Variants in KAZN observed in about 807,000 individuals in gnomAD.
KAZN encodes the protein kazrin, periplakin interacting protein.
A neutral mutation model predicts 87.4 loss-of-function variants in KAZN; 40 were observed. The ratio of observed to expected loss-of-function variants is 0.46; its 90% CI spans 0.36 to 0.60. The LOEUF (loss-of-function observed/expected upper bound fraction) is 0.60. Among genes scored for constraint, KAZN ranks in the 20% least tolerant of loss-of-function variants. KAZN has a pLI of 0.00. For missense variants in KAZN, 898 were observed against 1,073.9 expected (o/e 0.84, Z 2.29); for synonymous variants, 466 against 458.3 (o/e 1.02, Z -0.22).
At chr1:14,171,845 T>C (rs907246412) in intron 1 of KAZN, among the ~76,000 whole-genome samples, 1 of 152,224 alleles carries the variant, frequency 6.6e-6, no homozygotes, top group African/African-American at 2.4e-5. Context: ...TGGGCTATAC[T>C]TCATCTGATC....
chr1:14,436,022 G>T (rs1666363322), intron 2 of KAZN, among the ~76,000 whole-genome samples: 2 of 152,296 alleles, frequency 1.3e-5, no homozygotes, highest in South Asian at 2.1e-4. Context: ...AAGAAAAGGA[G>T]ATCAAGACCA....
At chr1:13,921,796 T>A (rs1436212294) in intron 1 of KAZN, among the ~76,000 whole-genome samples, 3 of 152,080 alleles carry the variant, frequency 2.0e-5, no homozygotes, top group South Asian at 4.1e-4. Context: ...CACACCTGGC[T>A]AATGTTTTGT....
At chr1:14,133,518 C>A (rs943812939) in intron 1 of KAZN, among the ~76,000 whole-genome samples, 2 of 152,020 alleles carry the variant, frequency 1.3e-5, no homozygotes, top group African/African-American at 4.8e-5. Flanking sequence ...GGCAATTCCT[C>A]AGTGGACAAA....
At chr1:14,177,065 G>C (rs1048854148) in intron 1 of KAZN, among the ~76,000 whole-genome samples, 6 of 152,100 alleles carry the variant, frequency 3.9e-5, no homozygotes, top group Non-Finnish European at 8.8e-5. Flanking sequence ...GGCTAAGGTA[G>C]AAGAATCACT....
intron 1 of KAZN, among the ~76,000 whole-genome samples, chr1:14,846,949 G>A (rs1176571858): frequency 7.2e-5 from 11 of 152,128 alleles, no homozygotes; most frequent in Non-Finnish European, 1.5e-4. Flanking sequence ...GGCAGGGAGC[G>A]AGGGGCAGCA....
chr1:14,658,790 C>A (rs369305312), intron 1 of KAZN, among the ~76,000 whole-genome samples: 32 of 152,274 alleles, frequency 2.1e-4, no homozygotes, highest in South Asian at 6.2e-4. Flanking sequence ...ACATGTGAAG[C>A]CTCCAGTGTC....
chr1:14,051,605 C>A (rs1462607765), intron 1 of KAZN, among the ~76,000 whole-genome samples: 1 of 152,198 alleles, frequency 6.6e-6, no homozygotes, highest in African/African-American at 2.4e-5. Flanking sequence ...ATAATCCCAG[C>A]ACTTTGGGAG....
At chr1:14,724,358 G>C (rs934618603) in intron 1 of KAZN, among the ~76,000 whole-genome samples, 1 of 152,174 alleles carries the variant, frequency 6.6e-6, no homozygotes, top group Non-Finnish European at 1.5e-5. Context: ...CCTCACTCCA[G>C]GGCACAGATG....
intron 2 of KAZN, among the ~76,000 whole-genome samples, chr1:14,397,861 C>CAA (rs761120479): frequency 0.045 from 1,815 of 40,526 alleles, 31 homozygotes; most frequent in East Asian, 0.13. Context: ...AACTCCATCT[C>CAA]AAAAAAAAAA....
intron 1 of KAZN, among the ~76,000 whole-genome samples, chr1:14,129,575 G>A (rs143501599): frequency 3.7e-4 from 56 of 152,326 alleles, no homozygotes; most frequent in African/African-American, 9.4e-4. Flanking sequence ...GCTGTGCTGC[G>A]TCTTTGCAGA....
chr1:14,934,000 C>T (rs1660149485), intron 1 of KAZN, among the ~76,000 whole-genome samples: 2 of 151,198 alleles, frequency 1.3e-5, no homozygotes, highest in Admixed American at 6.6e-5. Flanking sequence ...GGACTACAGG[C>T]GCCCGCCACT....
chr1:14,532,294 C>T (rs562066891), intron 2 of KAZN, among the ~76,000 whole-genome samples: 3 of 152,160 alleles, frequency 2.0e-5, no homozygotes, highest in African/African-American at 4.8e-5. Flanking sequence ...ACCCCAGACC[C>T]GCCCTCACTC....
intron 1 of KAZN, among the ~76,000 whole-genome samples, chr1:14,120,730 G>A (rs150354599): frequency 6.6e-6 from 1 of 152,288 alleles, no homozygotes; most frequent in East Asian, 1.9e-4. Flanking sequence ...GCTATCTCTG[G>A]CTTCTGGTAC....
intron 1 of KAZN, among the ~76,000 whole-genome samples, chr1:14,703,712 T>C (rs1258134494): frequency 1.3e-5 from 2 of 152,116 alleles, no homozygotes. Flanking sequence ...ACTCTGTCTC[T>C]ACAAAAGCAC....
At chr1:14,606,627 C>T (rs1314509240) in intron 1 of KAZN, among the ~76,000 whole-genome samples, 1 of 152,114 alleles carries the variant, frequency 6.6e-6, no homozygotes, top group African/African-American at 2.4e-5. Context: ...CCTGAGTTCT[C>T]TCTCTGTGGC....
intron 3 of KAZN, among the ~76,000 whole-genome samples, chr1:15,039,579 C>G (rs560013705): frequency 9.3e-4 from 141 of 152,170 alleles, no homozygotes; most frequent in African/African-American, 3.1e-3. Context: ...CATGATATAT[C>G]AAATTTGTTT....
At chr1:14,768,391 T>C in intron 1 of KAZN, among the ~76,000 whole-genome samples, 1 of 152,224 alleles carries the variant, frequency 6.6e-6, no homozygotes, top group East Asian at 1.9e-4. Context: ...GAAGGTAGAA[T>C]CAGCTTCATT....
At chr1:14,657,025 T>C (rs74316504) in intron 1 of KAZN, among the ~76,000 whole-genome samples, 5,119 of 151,248 alleles carry the variant, frequency 0.034, 118 homozygotes, top group Middle Eastern at 0.072. Context: ...GCTGTCTTCT[T>C]CAAAGCCCAT....
At chr1:14,454,050 T>C (rs1389286768) in intron 2 of KAZN, among the ~76,000 whole-genome samples, 2 of 152,250 alleles carry the variant, frequency 1.3e-5, no homozygotes, top group Non-Finnish European at 2.9e-5. Context: ...ATGAGCCTTT[T>C]CTTTCAACTG....
Sources: allele counts gnomAD v4.1 joint callset (sites outside exome capture counted in the v4.1 genomes callset), GRCh38; gene constraint gnomAD v4.1.1; transcripts MANE v1.5; gene names NCBI Gene and HGNC (gene_info 2026-07-23, HGNC 2026-07-21).